Variants in MYO1H observed in about 807,000 individuals in gnomAD.
MYO1H encodes the protein unconventional myosin-Ih.
In MYO1H, 118 loss-of-function variants were observed where a neutral mutation model predicts 149.3. The observed-to-expected ratio is 0.79, with a 90% CI of 0.68 to 0.92. The LOEUF (loss-of-function observed/expected upper bound fraction) is 0.92. Among genes scored for constraint, MYO1H ranks in the 40% least tolerant of loss-of-function variants. MYO1H has a pLI of 0.00. For synonymous variants in MYO1H, 447 were observed against 465.2 expected, an observed-to-expected ratio of 0.96 and a Z score of 0.50; for missense variants, 1,212 against 1,280.7, an observed-to-expected ratio of 0.95 and a Z score of 0.82.
chr12:109,358,396 G>A (rs1284674850), intron 1 of MYO1H, among the ~76,000 whole-genome samples: 1 of 152,114 alleles, frequency 6.6e-6, no homozygotes, highest in African/African-American at 2.4e-5. Flanking sequence ...GTATAATCAA[G>A]TTGATCTCTT....
intron 8 of MYO1H, among the ~76,000 whole-genome samples, 158 bp from the exon 9 acceptor site, chr12:109,406,631 C>T (rs1000308069): frequency 6.6e-6 from 1 of 152,040 alleles, no homozygotes; most frequent in Non-Finnish European, 1.5e-5. Flanking sequence ...GCCTGGATGA[C>T]AGAGTGAGAC....
intron 13 of MYO1H, among the ~76,000 whole-genome samples, chr12:109,411,487 T>C (rs1358966568): frequency 6.6e-6 from 1 of 152,200 alleles, no homozygotes; most frequent in African/African-American, 2.4e-5. Flanking sequence ...TTAAGAAATA[T>C]AAAAACTTCG....
exon 6 of MYO1H, chr12:109,401,125 C>T (rs747229593): frequency 6.2e-7 from 1 of 1,613,850 alleles, no homozygotes; most frequent in Non-Finnish European, 8.5e-7. Context: ...TCATCAGTTA[C>T]TTGATAGAGA....
chr12:109,355,444 G>A (rs547636190), intron 1 of MYO1H, among the ~76,000 whole-genome samples: 18 of 152,250 alleles, frequency 1.2e-4, no homozygotes, highest in Admixed American at 1.2e-3. Flanking sequence ...GTTTTGTTCT[G>A]TGGATGCTCG....
At chr12:109,385,562 G>A (rs1158838564) in intron 1 of MYO1H, among the ~76,000 whole-genome samples, 1 of 152,096 alleles carries the variant, frequency 6.6e-6, no homozygotes, top group Non-Finnish European at 1.5e-5. Context: ...CAAAGTGCCA[G>A]GATTACAAAC....
At chr12:109,403,839 CTAGACAAT>C in intron 6 of MYO1H, 135 bp from the exon 7 acceptor site, 1 of 544,278 alleles carries the variant, frequency 1.8e-6, no homozygotes, top group Non-Finnish European at 3.3e-6. Flanking sequence ...TCATTACATG[CTAGACAAT>C]TAGAGTAAAA....
chr12:109,411,665 T>C (rs762857146), intron 13 of MYO1H, among the ~76,000 whole-genome samples: 9 of 152,190 alleles, frequency 5.9e-5, no homozygotes, highest in Admixed American at 2.6e-4. Flanking sequence ...GGTCAGAGTG[T>C]TGCCTTTTCA....
the MYO1H span, among the ~76,000 whole-genome samples, chr12:109,310,837 T>C: frequency 6.6e-6 from 1 of 152,226 alleles, no homozygotes; most frequent in Non-Finnish European, 1.5e-5. Flanking sequence ...AGATGTAGTT[T>C]ACAGATGTTA....
chr12:109,420,623 C>T (rs545102387), intron 15 of MYO1H, among the ~76,000 whole-genome samples: 13 of 152,274 alleles, frequency 8.5e-5, no homozygotes, highest in African/African-American at 2.6e-4. Context: ...ATCCAATCAC[C>T]CCCAACCAGG....
At chr12:109,438,674 A>G in intron 23 of MYO1H, 54 bp downstream of exon 23, 2 of 1,349,738 alleles carry the variant, frequency 1.5e-6, no homozygotes, top group African/African-American at 2.9e-5. Context: ...GGTACCCTGC[A>G]GGGATGGTCA....
chr12:109,381,555 A>G (rs1988002), intron 1 of MYO1H, among the ~76,000 whole-genome samples: 37,782 of 152,200 alleles, frequency 0.25, 5,579 homozygotes, highest in East Asian at 0.39. Context: ...CTGTAGTCCC[A>G]GCACTTTGGG....
At chr12:109,400,668 G>T (rs1274681334) in intron 5 of MYO1H, among the ~76,000 whole-genome samples, 1 of 152,156 alleles carries the variant, frequency 6.6e-6, no homozygotes, top group Non-Finnish European at 1.5e-5. Flanking sequence ...GTCCAGAAAG[G>T]ATAGAGTTCA....
At chr12:109,386,823 A>G (rs943689619) in intron 1 of MYO1H, among the ~76,000 whole-genome samples, 3 of 152,182 alleles carry the variant, frequency 2.0e-5, no homozygotes, top group Admixed American at 2.0e-4. Flanking sequence ...GAGAAGCTTT[A>G]TATTTGGTGA....
exon 23 of MYO1H, chr12:109,438,539 T>G (rs1871970098): frequency 6.2e-7 from 1 of 1,612,714 alleles, no homozygotes. Context: ...CTTTCAGCCA[T>G]CAAACTGGAA....
At chr12:109,418,191 T>C (rs1001222897) in intron 15 of MYO1H, among the ~76,000 whole-genome samples, 3 of 152,106 alleles carry the variant, frequency 2.0e-5, no homozygotes, top group South Asian at 2.1e-4. Context: ...TGATCAGATA[T>C]ACAATTTGCA....
chr12:109,332,736 G>C, the MYO1H span, among the ~76,000 whole-genome samples: 10,193 of 152,132 alleles, frequency 0.067, 949 homozygotes, highest in African/African-American at 0.21. Context: ...TGCCACCATA[G>C]CTGGCTAATA....
intron 1 of MYO1H, among the ~76,000 whole-genome samples, chr12:109,366,854 A>G (rs1311233950): frequency 2.6e-5 from 4 of 152,196 alleles, no homozygotes; most frequent in Non-Finnish European, 5.9e-5. Context: ...AACTTCCCAG[A>G]TCCAAAAATG....
intron 13 of MYO1H, among the ~76,000 whole-genome samples, chr12:109,411,002 C>T (rs1306700308): frequency 6.6e-6 from 1 of 152,104 alleles, no homozygotes; most frequent in Non-Finnish European, 1.5e-5. Flanking sequence ...ATTAGCCGGG[C>T]ATGATGGCAT....
the MYO1H span, among the ~76,000 whole-genome samples, chr12:109,326,452 T>A: frequency 5.1e-4 from 77 of 152,230 alleles, no homozygotes; most frequent in South Asian, 1.9e-3. Flanking sequence ...GCCACCTAGA[T>A]TCAAGGGAGG....
Sources: gnomAD v4.1 joint callset for allele counts (sites outside exome capture counted in the v4.1 genomes callset) on GRCh38, gnomAD v4.1.1 for gene constraint, MANE v1.5 for transcripts, NCBI Gene and HGNC (gene_info 2026-07-23, HGNC 2026-07-21) for gene names.